SND1: variants seen among roughly 807,000 people sequenced by gnomAD.
The protein encoded by SND1 is staphylococcal nuclease domain-containing protein 1.
SND1 carries 38 observed loss-of-function variants against 121.7 expected under a neutral mutation model. The ratio of observed to expected loss-of-function variants is 0.31; its 90% confidence interval spans 0.24 to 0.41. SND1 has a LOEUF of 0.41. SND1 is among the 10% of genes least tolerant of loss of function. The probability of loss-of-function intolerance (pLI) is 1.00; values close to 1 mark genes in which losing one functional copy is unlikely to be tolerated. For missense variants in SND1, 868 were observed against 1,184.6 expected, an observed-to-expected ratio of 0.73 and a Z score of 3.92; for synonymous variants, 401 against 447.4, an observed-to-expected ratio of 0.90 and a Z score of 1.31.
intron 16 of SND1, among the ~76,000 whole-genome samples, chr7:128,011,336 C>G (rs1295694284): frequency 2.0e-5 from 3 of 152,192 alleles, no homozygotes; most frequent in Admixed American, 6.5e-5. Flanking sequence ...GTGTTCAGAC[C>G]TTTGATGGAT....
chr7:127,824,046 G>A (rs1396697290), intron 11 of SND1, among the ~76,000 whole-genome samples: 1 of 152,138 alleles, frequency 6.6e-6, no homozygotes, highest in East Asian at 1.9e-4. Flanking sequence ...AAATGAAGCA[G>A]AAATGCTGCT....
chr7:127,685,951 C>T (rs1051446524), intron 1 of SND1: 4 of 153,846 alleles, frequency 2.6e-5, no homozygotes, highest in South Asian at 2.1e-4. Context: ...AATGCAATGG[C>T]GCGATCTTGG....
chr7:127,961,795 T>C (rs1801737183), intron 15 of SND1, among the ~76,000 whole-genome samples: 1 of 152,204 alleles, frequency 6.6e-6, no homozygotes, highest in African/African-American at 2.4e-5. Flanking sequence ...GTCCACTCCC[T>C]CGCCAGACCT....
At chr7:127,979,148 C>CA (rs1802199459) in intron 15 of SND1, among the ~76,000 whole-genome samples, 1 of 152,184 alleles carries the variant, frequency 6.6e-6, no homozygotes, top group Admixed American at 6.5e-5. Context: ...TGAAAGCAGT[C>CA]ATAGACAGCA....
intron 10 of SND1, among the ~76,000 whole-genome samples, chr7:127,754,752 C>T (rs1053077356): frequency 1.3e-5 from 2 of 152,172 alleles, no homozygotes; most frequent in African/African-American, 4.8e-5. Context: ...TGAAATAATA[C>T]CACAGACTTG....
chr7:128,036,133 G>A (rs1270694439), intron 16 of SND1, among the ~76,000 whole-genome samples: 1 of 152,204 alleles, frequency 6.6e-6, no homozygotes, highest in East Asian at 1.9e-4. Context: ...TGGTGAATCA[G>A]TAATAATAAA....
chr7:128,090,527 C>T (rs1008971622), intron 22 of SND1, among the ~76,000 whole-genome samples: 6 of 152,212 alleles, frequency 3.9e-5, no homozygotes, highest in African/African-American at 1.4e-4. Flanking sequence ...ACAGAGCTGC[C>T]GTCTCCTGGC....
Position 127,808,422 on chromosome 7 carries a change from C to T in SND1, c.1242+849C>T, listed in dbSNP as rs11762651. ...TCAAGTGATCCACCCGCCTCAGCCT[C>T]CCAAAGTGCTGGGATTACAGGCATG... On this transcript the variant is annotated intron_variant, in intron 11 of 23. Transcript: ENST00000354725. Among the ~76,000 whole-genome samples, 1,314 of 152,282 alleles carry T rather than the reference C, an allele frequency of 8.6e-3. 12 individuals carry two copies. The highest frequency in any genetic ancestry group is 0.015 in the Non-Finnish European group (1,025 of 68,024).
chr7:127,703,089 A>G, intron 6 of SND1, 76 bp from the exon 7 acceptor site: 1 of 1,530,370 alleles, frequency 6.5e-7, no homozygotes, highest in Non-Finnish European at 9.0e-7. Context: ...TGTTTTTTGG[A>G]AGGCTTAGTG....
intron 16 of SND1, among the ~76,000 whole-genome samples, chr7:128,044,549 T>C (rs1584759098): frequency 6.6e-6 from 1 of 152,118 alleles, no homozygotes; most frequent in African/African-American, 2.4e-5. Flanking sequence ...CTGAAATCAT[T>C]GTTTTTACAA....
chr7:127,700,928 T>A (rs1796089196), intron 4 of SND1, among the ~76,000 whole-genome samples: 1 of 152,202 alleles, frequency 6.6e-6, no homozygotes. Context: ...GTTCTTTAGA[T>A]CGTCTCATTA....
chr7:127,721,214 T>G, intron 9 of SND1, 73 bp from the exon 10 acceptor site: 1 of 898,126 alleles, frequency 1.1e-6, no homozygotes, highest in Non-Finnish European at 1.9e-6. Context: ...CCTGTGAGGG[T>G]GGTGGGCCTT....
chr7:127,956,741 C>A (rs541488149), intron 15 of SND1, among the ~76,000 whole-genome samples: 1 of 152,230 alleles, frequency 6.6e-6, no homozygotes, highest in Non-Finnish European at 1.5e-5. Flanking sequence ...TTTGATGATA[C>A]GTGTTTACAC....
At chr7:128,087,526 G>A (rs1793706630) in intron 21 of SND1, among the ~76,000 whole-genome samples, 1 of 152,232 alleles carries the variant, frequency 6.6e-6, no homozygotes, top group African/African-American at 2.4e-5. Flanking sequence ...ATGGGTGGGA[G>A]ACAATTGTAA....
At chr7:127,772,189 T>C (rs932127718) in intron 10 of SND1, among the ~76,000 whole-genome samples, 3 of 152,238 alleles carry the variant, frequency 2.0e-5, no homozygotes, top group Non-Finnish European at 2.9e-5. Flanking sequence ...GAACAGTCAC[T>C]ATGTCCTTGA....
chr7:127,879,651 A>C (rs180867647), intron 12 of SND1, among the ~76,000 whole-genome samples: 2 of 152,266 alleles, frequency 1.3e-5, no homozygotes, highest in East Asian at 3.9e-4. Flanking sequence ...TCAATATCGG[A>C]ACTCTGTCGC....
intron 10 of SND1, among the ~76,000 whole-genome samples, chr7:127,728,426 A>T (rs1173865644): frequency 6.6e-6 from 1 of 152,214 alleles, no homozygotes; most frequent in East Asian, 1.9e-4. Flanking sequence ...GAGCTGCAGT[A>T]ATTCTGTGTT....
intron 16 of SND1, among the ~76,000 whole-genome samples, chr7:128,063,953 C>T (rs1274077359): frequency 6.6e-6 from 1 of 152,118 alleles, no homozygotes; most frequent in Non-Finnish European, 1.5e-5. Flanking sequence ...AGCTCTGAGG[C>T]GCTTATTCTG....
intron 1 of SND1, among the ~76,000 whole-genome samples, chr7:127,654,281 C>A (rs1795174029): frequency 6.6e-6 from 1 of 152,192 alleles, no homozygotes; most frequent in Non-Finnish European, 1.5e-5. Context: ...CTCATATTGT[C>A]TCATTTGTAA....
Sources: allele counts gnomAD v4.1 joint callset (sites outside exome capture counted in the v4.1 genomes callset), GRCh38; gene constraint gnomAD v4.1.1; transcripts MANE v1.5; gene names NCBI Gene and HGNC (gene_info 2026-07-23, HGNC 2026-07-21).